VTA1: variants seen among roughly 807,000 people sequenced by gnomAD.
VTA1 encodes the protein vacuolar protein sorting-associated protein VTA1 homolog.
VTA1 carries 24 observed loss-of-function variants against 36.9 expected under a neutral mutation model. That is an observed-to-expected ratio of 0.65 (90% confidence interval 0.47 to 0.91). The LOEUF (loss-of-function observed/expected upper bound fraction) is 0.91. Among genes scored for constraint, VTA1 ranks in the 40% least tolerant of loss-of-function variants. The probability of loss-of-function intolerance (pLI) is 0.00; values close to 1 mark genes in which losing one functional copy is unlikely to be tolerated. For synonymous variants in VTA1, 142 were observed against 130.2 expected (o/e 1.09, Z -0.62); for missense variants, 393 against 377.2 (o/e 1.04, Z -0.35).
intron 5 of VTA1, among the ~76,000 whole-genome samples, chr6:142,192,036 G>A (rs1775465102): frequency 6.6e-6 from 1 of 151,996 alleles, no homozygotes; most frequent in Non-Finnish European, 1.5e-5. Flanking sequence ...GAACAAAAGA[G>A]TATACACTTT....
At position 142,201,960 on chromosome 6, in the gene VTA1, T is replaced by G. The variant is rs117897988; in HGVS notation, c.698-2025T>G. On this transcript the variant is annotated intron_variant, in intron 6 of 7. Coordinates refer to ENST00000367630, the MANE Select transcript of VTA1 (RefSeq NM_016485.5). ...AGAGATTTGTTTGGAGGATTTTAATTTAGGCAGAAATGCAAATTACTTAGC... is the reference window on the plus strand; with the variant it reads ...AGAGATTTGTTTGGAGGATTTTAATGTAGGCAGAAATGCAAATTACTTAGC... Among the ~76,000 whole-genome samples, 26 of 152,092 alleles carry G rather than the reference T, an allele frequency of 1.7e-4. No individual in the cohort carries two copies. The East Asian group carries it at 5.0e-3, about 29-fold the overall frequency.
Position 142,166,323 on chromosome 6 carries a change from G to A in VTA1, c.207+1G>A. On this transcript the variant is annotated splice_donor_variant, in intron 2 of 7. Transcript: ENST00000367630. LOFTEE classifies it high-confidence loss of function. The stretch of plus-strand genomic sequence containing the variant: ...AAAGTTAATGGATCAGTTAGAAGCT[G>A]TAAGTTAACCACTGATCATTTATTT... The A allele has an allele frequency of 6.3e-7, 1 of 1,589,980 alleles. No individual in the cohort carries two copies. The highest frequency in any genetic ancestry group is 8.6e-7 in the Non-Finnish European group (1 of 1,161,552).
chr6:142,194,082 A>G (rs751380917), intron 5 of VTA1, among the ~76,000 whole-genome samples: 26 of 152,218 alleles, frequency 1.7e-4, no homozygotes, highest in Non-Finnish European at 3.5e-4. Flanking sequence ...GGGGCATGTC[A>G]AGATATTCAT....
chr6:142,167,775 C>G (rs1456249767), intron 2 of VTA1, among the ~76,000 whole-genome samples: 1 of 152,218 alleles, frequency 6.6e-6, no homozygotes, highest in African/African-American at 2.4e-5. Context: ...CCTTGCATTT[C>G]TACAGCTGCT....
intron 1 of VTA1, 87 bp downstream of exon 1, chr6:142,147,486 C>G: frequency 7.5e-7 from 1 of 1,339,868 alleles, no homozygotes; most frequent in South Asian, 1.3e-5. Flanking sequence ...GGGCATGCCC[C>G]GCCCCCCTCG....
chr6:142,174,134 C>G (rs1284486016), intron 4 of VTA1, among the ~76,000 whole-genome samples: 2 of 152,142 alleles, frequency 1.3e-5, no homozygotes, highest in Non-Finnish European at 2.9e-5. Flanking sequence ...CCAGACCTAC[C>G]TGAATGGTAG....
intron 1 of VTA1, among the ~76,000 whole-genome samples, chr6:142,161,087 C>G (rs1041156475): frequency 6.2e-5 from 9 of 144,292 alleles, no homozygotes; most frequent in South Asian, 2.3e-4. Flanking sequence ...TTCCCCCCCC[C>G]CCCTTTTTTT....
chr6:142,167,937 G>A (rs992368422), intron 2 of VTA1, among the ~76,000 whole-genome samples: 1 of 152,168 alleles, frequency 6.6e-6, no homozygotes, highest in Non-Finnish European at 1.5e-5. Context: ...TCACTGTATA[G>A]CAGTAGTAGC....
intron 1 of VTA1, among the ~76,000 whole-genome samples, chr6:142,154,235 A>G (rs893604977): frequency 1.3e-5 from 2 of 152,074 alleles, no homozygotes; most frequent in Admixed American, 6.5e-5. Context: ...AAAATGTTCT[A>G]TTAAATGAAA....
Position 142,147,402 on chromosome 6 carries a change from G to A in VTA1, c.112+3G>A. ...AGACCCTGTGGTGGCTTATTACTGT[G>A]AGTCTTTCCGAGTGGCCGCGCCCTT... is the stretch of plus-strand genomic sequence containing the variant. On this transcript the variant is annotated splice_donor_region_variant and intron_variant, in intron 1 of 7. Transcript: ENST00000367630. 1 of 1,613,022 alleles carries A rather than the reference G, an allele frequency of 6.2e-7. No individual in the cohort carries two copies. Among genetic ancestry groups the A allele is most frequent in the Non-Finnish European group, 8.5e-7 (1 of 1,179,410 alleles).
intron 4 of VTA1, among the ~76,000 whole-genome samples, chr6:142,172,252 A>G (rs988852289): frequency 6.6e-6 from 1 of 152,176 alleles, no homozygotes; most frequent in East Asian, 1.9e-4. Flanking sequence ...CTCGTGATCC[A>G]CCTGCCTCGG....
intron 2 of VTA1, among the ~76,000 whole-genome samples, chr6:142,168,090 T>C (rs1774955677): frequency 6.6e-6 from 1 of 152,146 alleles, no homozygotes; most frequent in Non-Finnish European, 1.5e-5. Context: ...AAGGGCACAC[T>C]GTGGTGTTTG....
chr6:142,222,461 C>A lies in VTA1; in HGVS notation c.*3818C>A, dbSNP rs1392781052. 6.6e-6 allele frequency: 1 copy of A among 152,056 alleles called. No homozygotes were observed. Among genetic ancestry groups the A allele is most frequent in the African/African-American group, 2.4e-5 (1 of 41,404 alleles). The allele number at this position is 152,056 out of a possible 1,614,324, so 9.4% of individuals were successfully genotyped here. On this transcript the variant is annotated 3_prime_UTR_variant, in exon 8 of 8. Transcript: ENST00000367630. ...TCAGGACTACACCAAGAAAAAGACTCCAGTTATGGGTCTTGAAAATTAATA... is the reference window on the plus strand; with the variant it reads ...TCAGGACTACACCAAGAAAAAGACTACAGTTATGGGTCTTGAAAATTAATA...
intron 5 of VTA1, among the ~76,000 whole-genome samples, chr6:142,198,116 T>A (rs1775596267): frequency 1.4e-5 from 1 of 71,828 alleles, no homozygotes; most frequent in Non-Finnish European, 3.6e-5. Context: ...TATATATATA[T>A]ATATGTGTGT....
At chr6:142,150,114 C>T (rs1389444094) in intron 1 of VTA1, among the ~76,000 whole-genome samples, 2 of 152,018 alleles carry the variant, frequency 1.3e-5, no homozygotes, top group Non-Finnish European at 2.9e-5. Flanking sequence ...CTGGCCATTT[C>T]TGATAGTTTC....
rs1162412059 is a variant in VTA1 at position 142,181,078 on chromosome 6, GAAAAA to G, written c.412-8335_412-8331del. On this transcript the variant is annotated intron_variant, in intron 4 of 7. Transcript: ENST00000367630. The stretch of plus-strand genomic sequence containing the variant: ...CTTCAATTTACTCTTAAATGGTACA[GAAAAA>G]AAAAAAAAAAAATATATATATATAT... 5.8e-5 allele frequency among the ~76,000 whole-genome samples: 3 copies of G among 51,286 alleles called. 1 individual carries two copies. Among genetic ancestry groups the G allele is most frequent in the African/African-American group, 1.4e-4 (2 of 14,398 alleles). The allele number at this position is 51,286 out of a possible 152,430, so 33.6% of individuals were successfully genotyped here. A position where few individuals can be genotyped will look rare whatever the true frequency, so the allele number is the denominator to read the frequency against.
At chr6:142,199,416 A>G (rs1479794130) in intron 6 of VTA1, among the ~76,000 whole-genome samples, 1 of 152,136 alleles carries the variant, frequency 6.6e-6, no homozygotes, top group Admixed American at 6.5e-5. Context: ...TTTCTTAAAA[A>G]TTTACTTTTA....
At chr6:142,156,580 A>T (rs1002093055) in intron 1 of VTA1, among the ~76,000 whole-genome samples, 1 of 152,100 alleles carries the variant, frequency 6.6e-6, no homozygotes, top group Non-Finnish European at 1.5e-5. Context: ...TTCCTTTTTC[A>T]GTTTGCCGTG....
chr6:142,199,215 G>GT (rs1343647391), intron 6 of VTA1, among the ~76,000 whole-genome samples: 7 of 151,906 alleles, frequency 4.6e-5, no homozygotes, highest in African/African-American at 1.5e-4. Flanking sequence ...AGTACTGTAT[G>GT]TTTATGTTTT....
Sources: gnomAD v4.1 joint callset for allele counts (sites outside exome capture counted in the v4.1 genomes callset) on GRCh38, gnomAD v4.1.1 for gene constraint, MANE v1.5 for transcripts, NCBI Gene and HGNC (gene_info 2026-07-23, HGNC 2026-07-21) for gene names.